Variants in SVEP1 observed in about 807,000 individuals in gnomAD.
SVEP1 encodes the protein sushi, von Willebrand factor type A, EGF and pentraxin domain containing 1, also known as sushi, von Willebrand factor type A, EGF and pentraxin domain-containing protein 1.
In SVEP1, 164 loss-of-function variants were observed where a neutral mutation model predicts 367.3. The ratio of observed to expected loss-of-function variants is 0.45; its 90% CI spans 0.39 to 0.51. SVEP1 has a LOEUF of 0.51. Ranked by LOEUF, SVEP1 falls within the 20% of genes least tolerant of loss-of-function variation. The probability of loss-of-function intolerance (pLI) is 0.00; values close to 1 mark genes in which losing one functional copy is unlikely to be tolerated. For missense variants in SVEP1, 4,117 were observed against 4,425.3 expected, an observed-to-expected ratio of 0.93 and a Z score of 1.98; for synonymous variants, 1,666 against 1,611.6, an observed-to-expected ratio of 1.03 and a Z score of -0.81.
At chr9:110,442,233 G>T (rs1393226664) in intron 27 of SVEP1, among the ~76,000 whole-genome samples, 3 of 152,134 alleles carry the variant, frequency 2.0e-5, no homozygotes, top group South Asian at 2.1e-4. Context: ...GTGATTATGT[G>T]ATGAACACCT....
intron 43 of SVEP1, among the ~76,000 whole-genome samples, chr9:110,384,159 G>A (rs539787141): frequency 6.6e-6 from 1 of 152,282 alleles, no homozygotes; most frequent in South Asian, 2.1e-4. Context: ...AGGCCCTGGT[G>A]GCGTGGGCTC....
chr9:110,375,331 T>G, intron 46 of SVEP1, 37 bp downstream of exon 46: 2 of 1,516,074 alleles, frequency 1.3e-6, no homozygotes, highest in African/African-American at 1.4e-5. Flanking sequence ...TTCATGGGCC[T>G]GAGCCACCAA....
intron 43 of SVEP1, among the ~76,000 whole-genome samples, chr9:110,383,471 C>A (rs951530530): frequency 5.4e-5 from 8 of 147,834 alleles, no homozygotes; most frequent in South Asian, 2.2e-4. Flanking sequence ...CCCAGAGGGG[C>A]ACTGACCTGA....
chr9:110,411,781 A>AG, intron 36 of SVEP1, 46 bp from the exon 37 acceptor site: 1 of 1,433,624 alleles, frequency 7.0e-7, no homozygotes, highest in Non-Finnish European at 9.2e-7. Context: ...ATAATATTTG[A>AG]GAAAAAGTGT....
rs78239740 is a variant in SVEP1, at chr9:110,450,107, T to G, written c.4055A>C (p.Gln1352Pro). The G allele has an allele frequency of 6.2e-7, 1 of 1,613,970 alleles. No homozygotes were observed. The part of the protein sequence containing the change: ...CGKNVDECLS[Q>P]PCKNGATCKD... ...ACAGGTAGCTCCATTTTTGCATGGC[T>G]GACTGAGACACTCATCGACGTTCTT... Residue 1352 changes from glutamine (Q) to proline (P), a missense_variant, in exon 24 of 48, where the codon CAG becomes CCG. This residue lies in a region of SVEP1 where 2,174 missense variants were observed against 2,494.3 expected (regional missense o/e 0.87). Transcript: ENST00000374469.
chr9:110,490,878 T>TATAC (rs1045299712), intron 8 of SVEP1, among the ~76,000 whole-genome samples: 3 of 151,998 alleles, frequency 2.0e-5, no homozygotes, highest in Non-Finnish European at 2.9e-5. Flanking sequence ...CTTCTTGAAT[T>TATAC]GTATGTTTAT....
At chr9:110,425,693 T>C (rs1231486282) in intron 36 of SVEP1, among the ~76,000 whole-genome samples, 1 of 152,254 alleles carries the variant, frequency 6.6e-6, no homozygotes, top group South Asian at 2.1e-4. Context: ...AGATAAACGT[T>C]AGGCAGACAT....
chr9:110,390,219 ATATATACT>A (rs1160539936), intron 40 of SVEP1, among the ~76,000 whole-genome samples: 3 of 132,920 alleles, frequency 2.3e-5, no homozygotes, highest in African/African-American at 8.2e-5. Context: ...ATATACTTGT[ATATATACT>A]TATATAAGTA....
chr9:110,411,096 A>C lies in SVEP1; in HGVS notation c.6615T>G (p.Gly2205=), dbSNP rs924939288. 6 of 1,602,606 alleles carry C rather than the reference A, an allele frequency of 3.7e-6. No homozygotes were observed. The Admixed American group carries it at 6.8e-5, about 18-fold the overall frequency. ...AGCCATTCTCAACCTTAGGTGGTTC[A>C]CCACAAGATACCGGGTGGCACGTCG... ...PIPTCHPVSC[G]EPPKVENGFL... is the part of the protein sequence containing the mutation. The change falls in exon 37 of 48, where the codon GGT becomes GGG. Residue 2205 remains glycine, a synonymous_variant. Transcript: ENST00000374469.
intron 1 of SVEP1, among the ~76,000 whole-genome samples, chr9:110,561,900 T>C (rs539404381): frequency 6.6e-5 from 10 of 152,314 alleles, no homozygotes; most frequent in South Asian, 4.1e-4. Flanking sequence ...AAAAGGTTGG[T>C]TGGCCCTATA....
At chr9:110,392,675 CTTGAG>C (rs1176415671) in intron 40 of SVEP1, among the ~76,000 whole-genome samples, 2 of 152,132 alleles carry the variant, frequency 1.3e-5, no homozygotes, top group African/African-American at 2.4e-5. Flanking sequence ...AATTCTTCCT[CTTGAG>C]TTGTCTGTTT....
intron 40 of SVEP1, among the ~76,000 whole-genome samples, chr9:110,395,913 A>AAC (rs1225645348): frequency 6.6e-6 from 1 of 151,944 alleles, no homozygotes; most frequent in East Asian, 1.9e-4. Flanking sequence ...GGGAGACTTT[A>AAC]ACACCCCACT....
rs1449781592 is a variant in SVEP1 at position 110,458,479 on chromosome 9, T to C, written c.3568A>G (p.Ser1190Gly). The stretch of plus-strand genomic sequence containing the variant: ...ATGCAAAATGAACTTGCCTGACTGC[T>C]GATTTCATGCCTCTTTTTAATATGT... ...LGHIKKRHEI[S>G]SQVFHECFFN... is the part of the protein sequence containing the mutation. The change falls in exon 20 of 48, where the codon AGC becomes GGC. Residue 1190 changes from serine (S) to glycine (G), a missense_variant. Physicochemically the swap from Ser to Gly is moderately conservative, Grantham distance 56. This residue lies in a region of SVEP1 where 2,174 missense variants were observed against 2,494.3 expected (regional missense o/e 0.87). Coordinates refer to ENST00000374469, the MANE Select transcript of SVEP1 (RefSeq NM_153366.4). The C allele has an allele frequency of 7.4e-6, 12 of 1,612,226 alleles. No homozygotes were observed. The highest frequency in any genetic ancestry group is 5.9e-6 in the Non-Finnish European group (7 of 1,179,226).
chr9:110,525,978 A>ACATC (rs1226375122), intron 3 of SVEP1, among the ~76,000 whole-genome samples: 7 of 152,166 alleles, frequency 4.6e-5, no homozygotes, highest in African/African-American at 1.7e-4. Context: ...AAACAATCAG[A>ACATC]CATCCGTAAG....
chr9:110,406,971 C>T lies in SVEP1; in HGVS notation c.8629G>A (p.Gly2877Arg). Reference protein sequence around the residue: ...GARSRVCLANGSWSGATPDCV... With the variant: ...GARSRVCLANRSWSGATPDCV... Reference sequence around the variant, plus strand: ...TCGGGAGTGGCTCCACTCCAACTTCCATTGGCAAGACAAACCCGACTCCTG... The same window carrying T: ...TCGGGAGTGGCTCCACTCCAACTTCTATTGGCAAGACAAACCCGACTCCTG... The change falls in exon 38 of 48, where the codon GGA (glycine) becomes AGA (arginine). Residue 2877 changes from glycine (G) to arginine (R), a missense_variant. Physicochemically the swap from Gly to Arg is moderately radical, Grantham distance 125. Coordinates refer to ENST00000374469, the MANE Select transcript of SVEP1 (RefSeq NM_153366.4). The T allele has an allele frequency of 6.2e-7, 1 of 1,613,994 alleles. No individual in the cohort carries two copies. The highest frequency in any genetic ancestry group is 1.1e-5 in the South Asian group (1 of 91,082).
intron 8 of SVEP1, among the ~76,000 whole-genome samples, chr9:110,495,699 C>T (rs1286893180): frequency 2.0e-5 from 3 of 150,942 alleles, no homozygotes; most frequent in African/African-American, 7.3e-5. Flanking sequence ...TTAAGTGCAT[C>T]TTAATGTATA....
intron 20 of SVEP1, 32 bp downstream of exon 20, chr9:110,458,439 A>T: frequency 6.3e-7 from 1 of 1,582,170 alleles, no homozygotes; most frequent in Non-Finnish European, 8.6e-7. Flanking sequence ...CAAGCATTCC[A>T]CTAGAGAACA....
rs1255349304 is a variant in SVEP1, at chr9:110,489,637, C to G, written c.1930+13G>C. ...ACGTTTGGATGGGGAAACAACCAAA[C>G]TATATCACTTACCAATAACCTTGAT... On this transcript the variant is annotated intron_variant, in intron 9 of 47. Coordinates refer to ENST00000374469, the MANE Select transcript of SVEP1 (RefSeq NM_153366.4). 3 of 1,607,524 alleles carry G rather than the reference C, an allele frequency of 1.9e-6. No individual in the cohort carries two copies. The highest frequency in any genetic ancestry group is 2.5e-6 in the Non-Finnish European group (3 of 1,176,526).
intron 40 of SVEP1, among the ~76,000 whole-genome samples, chr9:110,397,248 G>C (rs1260293898): frequency 1.3e-5 from 2 of 152,192 alleles, no homozygotes; most frequent in Admixed American, 1.3e-4. Context: ...AAAACCACAT[G>C]ATTATCTCAA....
Sources: allele counts gnomAD v4.1 joint callset (sites outside exome capture counted in the v4.1 genomes callset), GRCh38; gene constraint gnomAD v4.1.1; regional missense constraint gnomAD v4.1.1; transcripts MANE v1.5; gene names NCBI Gene and HGNC (gene_info 2026-07-23, HGNC 2026-07-21).